Variants in XKR9 observed in about 807,000 individuals in gnomAD.
The protein encoded by XKR9 is XK related 9.
A neutral mutation model predicts 32.0 loss-of-function variants in XKR9; 32 were observed. That is an observed-to-expected ratio of 1.00 (90% confidence interval 0.76 to 1.34). The LOEUF is 1.34. Ranked by LOEUF, XKR9 falls within the 40% of genes most tolerant of loss-of-function variation. The pLI is 0.00. For missense variants in XKR9, 546 were observed against 429.7 expected (o/e 1.27, Z -2.39); for synonymous variants, 168 against 143.4 (o/e 1.17, Z -1.22).
chr8:70,812,398 C>T, the XKR9 span, among the ~76,000 whole-genome samples: 1 of 152,298 alleles, frequency 6.6e-6, no homozygotes, highest in East Asian at 1.9e-4. Flanking sequence ...GGGATGCCCT[C>T]TCTCACCACT....
At chr8:70,752,053 A>G (rs958699882) in intron 2 of XKR9, among the ~76,000 whole-genome samples, 1 of 152,084 alleles carries the variant, frequency 6.6e-6, no homozygotes, top group Non-Finnish European at 1.5e-5. Flanking sequence ...TATTCATCCA[A>G]TTGATTTTTT....
downstream of XKR9, among the ~76,000 whole-genome samples, chr8:70,736,737 T>A (rs1196017745): frequency 1.3e-5 from 2 of 152,058 alleles, no homozygotes; most frequent in African/African-American, 4.8e-5. Flanking sequence ...CCTTTCCCCA[T>A]TGCTTGTTTT....
chr8:70,997,020 G>A, the XKR9 span, among the ~76,000 whole-genome samples: 1 of 152,178 alleles, frequency 6.6e-6, no homozygotes, highest in Non-Finnish European at 1.5e-5. Context: ...AAGTTGGGCC[G>A]GGTGCAGTGG....
the XKR9 span, among the ~76,000 whole-genome samples, chr8:70,951,862 A>G: frequency 7.1e-6 from 1 of 140,942 alleles, no homozygotes; most frequent in African/African-American, 2.8e-5. Flanking sequence ...TCTCCATAGC[A>G]TCATTGGGGG....
chr8:70,790,157 C>T (rs757501993), exon 4 of XKR9: 8 of 149,946 alleles, frequency 5.3e-5, no homozygotes, highest in Admixed American at 1.3e-4. Context: ...ATAGCAAGAT[C>T]TTTACTTTCA....
chr8:70,736,559 T>C, downstream of XKR9, among the ~76,000 whole-genome samples: 1 of 152,228 alleles, frequency 6.6e-6, no homozygotes, highest in Non-Finnish European at 1.5e-5. Context: ...ATGTCCTGAA[T>C]GGTAATGCCT....
At chr8:71,040,709 C>CAT in the XKR9 span, among the ~76,000 whole-genome samples, 2 of 152,058 alleles carry the variant, frequency 1.3e-5, no homozygotes, top group Non-Finnish European at 2.9e-5. Context: ...TTAACTTATA[C>CAT]ATATAATTTT....
the XKR9 span, among the ~76,000 whole-genome samples, chr8:70,850,872 C>T: frequency 1.3e-5 from 2 of 152,106 alleles, no homozygotes; most frequent in South Asian, 2.1e-4. Flanking sequence ...AAAGCCAGCA[C>T]AAGACAAGGA....
intron 2 of XKR9, among the ~76,000 whole-genome samples, chr8:70,747,181 C>T (rs1378034044): frequency 6.6e-6 from 1 of 152,098 alleles, no homozygotes; most frequent in South Asian, 2.1e-4. Flanking sequence ...TGGGTTGATG[C>T]CATGTCTTTG....
the XKR9 span, among the ~76,000 whole-genome samples, chr8:70,903,829 G>A: frequency 6.6e-6 from 1 of 151,930 alleles, no homozygotes; most frequent in Non-Finnish European, 1.5e-5. Context: ...AGAGATTCTG[G>A]TATGTTGTGT....
the XKR9 span, among the ~76,000 whole-genome samples, chr8:70,995,973 A>G: frequency 2.0e-5 from 3 of 151,530 alleles, no homozygotes; most frequent in Non-Finnish European, 4.4e-5. Context: ...TGTGTGTGCC[A>G]TGCATTCTTA....
chr8:70,925,295 T>C, the XKR9 span, among the ~76,000 whole-genome samples: 1 of 152,152 alleles, frequency 6.6e-6, no homozygotes, highest in African/African-American at 2.4e-5. Flanking sequence ...CAATAGCATA[T>C]ATAAGCCTCC....
chr8:70,901,441 G>A, the XKR9 span, among the ~76,000 whole-genome samples: 1 of 152,150 alleles, frequency 6.6e-6, no homozygotes, highest in African/African-American at 2.4e-5. Context: ...GTGTCTGTTG[G>A]CTGCATAAAT....
intron 4 of XKR9, among the ~76,000 whole-genome samples, chr8:70,714,277 A>G (rs1586847548): frequency 1.3e-5 from 2 of 152,166 alleles, no homozygotes; most frequent in Non-Finnish European, 2.9e-5. Flanking sequence ...GGGGATACGC[A>G]ATACAGTCCA....
At chr8:70,865,965 T>C in the XKR9 span, among the ~76,000 whole-genome samples, 1 of 152,160 alleles carries the variant, frequency 6.6e-6, no homozygotes, top group Non-Finnish European at 1.5e-5. Context: ...ATTGAGGTTG[T>C]CCTCAAAATT....
In XKR9 at chr8:70,707,099, C is replaced by T; in HGVS notation, c.439C>T (p.Leu147Phe). Reference protein sequence around the residue: ...FETYLEGCPQLILQLYILLEH... With the variant: ...FETYLEGCPQFILQLYILLEH... ...GACCTACCTGGAAGGCTGCCCACAA[C>T]TTATTCTTCAACTCTACATTCTTCT... is the stretch of plus-strand genomic sequence containing the variant. The change falls in exon 4 of 5, where the codon CTT (leucine) becomes TTT (phenylalanine). Residue 147 changes from leucine to phenylalanine, a missense_variant. By Grantham distance (22) the Leu-to-Phe change is conservative. Coordinates refer to ENST00000408926, the MANE Select transcript of XKR9 (RefSeq NM_001011720.2). The T allele has an allele frequency of 6.2e-7, 1 of 1,613,418 alleles. No individual in the cohort carries two copies. The highest frequency in any genetic ancestry group is 1.7e-4 in the Middle Eastern group (1 of 6,058).
chr8:70,942,720 A>C, the XKR9 span, among the ~76,000 whole-genome samples: 2 of 152,122 alleles, frequency 1.3e-5, no homozygotes, highest in Admixed American at 1.3e-4. Context: ...TTGGGGCTAA[A>C]AGTATTATCA....
At chr8:70,781,593 G>A (rs573954194) in intron 2 of XKR9, among the ~76,000 whole-genome samples, 146 of 150,306 alleles carry the variant, frequency 9.7e-4, no homozygotes, top group Non-Finnish European at 1.8e-3. Context: ...ATCCTTGCCA[G>A]CATTTGTTAT....
chr8:70,741,547 T>C (rs966119948), intron 2 of XKR9, among the ~76,000 whole-genome samples: 1 of 152,266 alleles, frequency 6.6e-6, no homozygotes, highest in Non-Finnish European at 1.5e-5. Context: ...TTAAGCTTCA[T>C]ATTTTAGCAT....
Sources: gnomAD v4.1 joint callset for allele counts (sites outside exome capture counted in the v4.1 genomes callset) on GRCh38, gnomAD v4.1.1 for gene constraint, MANE v1.5 for transcripts, NCBI Gene and HGNC (gene_info 2026-07-23, HGNC 2026-07-21) for gene names.